HS3ST2: variants seen among roughly 807,000 people sequenced by gnomAD.
HS3ST2 encodes the protein heparan sulfate glucosamine 3-O-sulfotransferase 2.
In HS3ST2, 17 loss-of-function variants were observed where a neutral mutation model predicts 26.3. That is an observed-to-expected ratio of 0.65 (90% CI 0.44 to 0.97). The LOEUF (loss-of-function observed/expected upper bound fraction) is 0.97, where lower values mean the gene tolerates loss of function less well. HS3ST2 is among the 50% of genes least tolerant of loss of function. The pLI is 0.00. For missense variants in HS3ST2, 402 were observed against 501.2 expected (o/e 0.80, Z 1.89); for synonymous variants, 237 against 219.2 (o/e 1.08, Z -0.72).
chr16:22,885,721 G>T (rs1036411686), intron 1 of HS3ST2, among the ~76,000 whole-genome samples: 1 of 152,180 alleles, frequency 6.6e-6, no homozygotes, highest in African/African-American at 2.4e-5. Flanking sequence ...CTCCCAAAGT[G>T]CTGGAATTAC....
At chr16:22,842,297 A>C (rs976258631) in intron 1 of HS3ST2, among the ~76,000 whole-genome samples, 2 of 151,988 alleles carry the variant, frequency 1.3e-5, no homozygotes, top group African/African-American at 2.4e-5. Flanking sequence ...TCCTGACCTC[A>C]GGTAATTCAC....
chr16:22,879,732 G>A (rs79826275), intron 1 of HS3ST2, among the ~76,000 whole-genome samples: 5 of 152,276 alleles, frequency 3.3e-5, no homozygotes, highest in Admixed American at 2.6e-4. Flanking sequence ...TCTGGGGGCC[G>A]CTGGAGTGTA....
At chr16:22,843,136 CTCTG>C (rs1305196536) in intron 1 of HS3ST2, among the ~76,000 whole-genome samples, 3 of 151,456 alleles carry the variant, frequency 2.0e-5, no homozygotes, top group Non-Finnish European at 4.4e-5. Flanking sequence ...AGAATAAGAA[CTCTG>C]TGACTAGATG....
rs1902228879 is a variant in HS3ST2 at position 22,897,744 on chromosome 16, C to T, written c.486-17200C>T. Among the ~76,000 whole-genome samples the T allele has an allele frequency of 5.6e-5, 2 of 35,658 alleles. 1 individual carries two copies. Among genetic ancestry groups the T allele is most frequent in the South Asian group, 1.4e-3 (2 of 1,436 alleles). The allele number at this position is 35,658 out of a possible 152,430, so 23.4% of individuals were successfully genotyped here. On this transcript the variant is annotated intron_variant, in intron 1 of 1. Transcript: ENST00000261374. ...AACACTTGAATTTGTATCTTAGCTT[C>T]GCTATTCAGTACCTTGGGTCTTTGG...
At chr16:22,861,615 G>A (rs1245289425) in intron 1 of HS3ST2, among the ~76,000 whole-genome samples, 3 of 152,154 alleles carry the variant, frequency 2.0e-5, no homozygotes, top group Non-Finnish European at 2.9e-5. Context: ...TTAGAGCACA[G>A]TGACTAAAAG....
intron 1 of HS3ST2, among the ~76,000 whole-genome samples, chr16:22,857,551 C>G (rs987014452): frequency 6.6e-6 from 1 of 152,162 alleles, no homozygotes; most frequent in African/African-American, 2.4e-5. Context: ...ATGCAAAGAG[C>G]CTGACAAATG....
chr16:22,849,872 C>T lies in HS3ST2; in HGVS notation c.485+34777C>T, dbSNP rs111639380. ...GATTTTGAATAGTTCTCACACCAGT[C>T]CTGGGATTCCCTCTCTCATTACCCT... On this transcript the variant is annotated intron_variant, in intron 1 of 1. Transcript: ENST00000261374. Among the ~76,000 whole-genome samples the T allele has an allele frequency of 9.0e-3, 1,366 of 152,230 alleles. 15 individuals are homozygous for T. Among genetic ancestry groups the T allele is most frequent in the African/African-American group, 0.031 (1,284 of 41,534 alleles).
chr16:22,852,193 TC>T (rs1901527902), intron 1 of HS3ST2, among the ~76,000 whole-genome samples: 1 of 152,194 alleles, frequency 6.6e-6, no homozygotes, highest in African/African-American at 2.4e-5. Flanking sequence ...ACAGCCCCCA[TC>T]TTAAAGACTT....
intron 1 of HS3ST2, among the ~76,000 whole-genome samples, chr16:22,873,299 G>C (rs1288406223): frequency 6.6e-6 from 1 of 152,130 alleles, no homozygotes; most frequent in Non-Finnish European, 1.5e-5. Context: ...CTATTTCACA[G>C]GTTATTAAAT....
At chr16:22,910,794 G>C (rs989357249) in intron 1 of HS3ST2, among the ~76,000 whole-genome samples, 5 of 152,160 alleles carry the variant, frequency 3.3e-5, no homozygotes, top group Non-Finnish European at 7.3e-5. Context: ...TTGCAGGAAA[G>C]GTAGAAGGGG....
intron 1 of HS3ST2, among the ~76,000 whole-genome samples, chr16:22,893,500 G>A (rs981391152): frequency 5.9e-5 from 9 of 151,976 alleles, no homozygotes; most frequent in African/African-American, 1.7e-4. Context: ...AATTTACTAA[G>A]TGCTTTTTCA....
chr16:22,816,645 A>T (rs111789088), intron 1 of HS3ST2, among the ~76,000 whole-genome samples: 149 of 152,318 alleles, frequency 9.8e-4, no homozygotes, highest in African/African-American at 3.5e-3. Context: ...GCCAATGCCA[A>T]TAGCCCACTG....
chr16:22,846,851 G>C (rs368590125), intron 1 of HS3ST2, among the ~76,000 whole-genome samples: 2 of 152,194 alleles, frequency 1.3e-5, no homozygotes, highest in African/African-American at 4.8e-5. Flanking sequence ...ATGGTGGGGA[G>C]CTGGAGACAG....
chr16:22,816,890 T>C (rs1015378344), intron 1 of HS3ST2, among the ~76,000 whole-genome samples: 1 of 152,200 alleles, frequency 6.6e-6, no homozygotes, highest in Middle Eastern at 3.2e-3. Context: ...ATTCTGAGCA[T>C]CTGGCTTTCA....
chr16:22,866,618 T>C (rs1284325760), intron 1 of HS3ST2, among the ~76,000 whole-genome samples: 1 of 151,692 alleles, frequency 6.6e-6, no homozygotes, highest in African/African-American at 2.4e-5. Context: ...AAGGGCAACA[T>C]GGCAAGACCC....
chr16:22,879,336 G>A lies in HS3ST2; in HGVS notation c.486-35608G>A, dbSNP rs112836820. Among the ~76,000 whole-genome samples, 308 of 152,328 alleles carry A rather than the reference G, an allele frequency of 2.0e-3. 1 individual carries two copies. The highest frequency in any genetic ancestry group is 7.0e-3 in the African/African-American group (291 of 41,578). Reference sequence around the variant, plus strand: ...AGAGCTTTCTAACAGCTAAGGCCCCGCAGGCAGGACTGCTGGTATCACGAG... The same window carrying A: ...AGAGCTTTCTAACAGCTAAGGCCCCACAGGCAGGACTGCTGGTATCACGAG... On this transcript the variant is annotated intron_variant, in intron 1 of 1. Transcript: ENST00000261374.
intron 1 of HS3ST2, among the ~76,000 whole-genome samples, chr16:22,887,463 G>T (rs1164147661): frequency 6.6e-6 from 1 of 152,144 alleles, no homozygotes; most frequent in African/African-American, 2.4e-5. Context: ...CATTTGCTGG[G>T]CTCTGTCTCC....
chr16:22,823,595 G>T (rs1031640524), intron 1 of HS3ST2, among the ~76,000 whole-genome samples: 1 of 147,068 alleles, frequency 6.8e-6, no homozygotes, highest in African/African-American at 2.6e-5. Flanking sequence ...ACCAGCCTGG[G>T]CAACATAGGG....
At chr16:22,825,964 A>T (rs1472326616) in intron 1 of HS3ST2, among the ~76,000 whole-genome samples, 2 of 152,198 alleles carry the variant, frequency 1.3e-5, no homozygotes, top group Non-Finnish European at 2.9e-5. Flanking sequence ...CAGAGGTTGC[A>T]GTGAGCCGAA....
Sources: gnomAD v4.1 joint callset for allele counts (sites outside exome capture counted in the v4.1 genomes callset) on GRCh38, gnomAD v4.1.1 for gene constraint, MANE v1.5 for transcripts, NCBI Gene and HGNC (gene_info 2026-07-23, HGNC 2026-07-21) for gene names.